Variants in ALCAM observed in about 807,000 individuals in gnomAD.
ALCAM encodes the protein activated leukocyte cell adhesion molecule, also known as CD166 antigen.
Under a neutral mutation model 70.9 loss-of-function variants are expected in ALCAM, and 30 were observed. The observed-to-expected ratio is 0.42, with a 90% CI of 0.32 to 0.57. The LOEUF (loss-of-function observed/expected upper bound fraction) is 0.57, where lower values mean the gene tolerates loss of function less well. ALCAM is among the 20% of genes least tolerant of loss of function. The pLI is 0.11. For synonymous variants in ALCAM, 249 were observed against 242.5 expected, an observed-to-expected ratio of 1.03 and a Z score of -0.25; for missense variants, 591 against 695.1, an observed-to-expected ratio of 0.85 and a Z score of 1.68.
chr3:105,536,748 C>A (rs1939979625), intron 6 of ALCAM, among the ~76,000 whole-genome samples: 1 of 152,108 alleles, frequency 6.6e-6, no homozygotes, highest in African/African-American at 2.4e-5. Flanking sequence ...ACACCTACAT[C>A]AGAAGGAAAT....
chr3:105,410,824 T>C (rs1936367924), intron 1 of ALCAM, among the ~76,000 whole-genome samples: 1 of 122,212 alleles, frequency 8.2e-6, no homozygotes, highest in African/African-American at 3.0e-5. Context: ...TTAGAAATGA[T>C]TGTGGGGCAC....
intron 14 of ALCAM, among the ~76,000 whole-genome samples, chr3:105,557,242 A>G (rs1418900617): frequency 3.3e-5 from 5 of 152,004 alleles, no homozygotes; most frequent in Non-Finnish European, 7.4e-5. Flanking sequence ...TCTTTTCTCT[A>G]CCCATGACCT....
chr3:105,540,018 T>C lies in ALCAM; in HGVS notation c.774T>C (p.Asn258=), dbSNP rs903815128. The change falls in exon 7 of 16, where the codon AAT becomes AAC. Residue 258 remains asparagine, a synonymous_variant. Transcript: ENST00000306107. The part of the protein sequence containing the change: ...QVTIQVLPPK[N]AIKEGDNITL... ...CAATACAAGTGCTGCCACCAAAAAA[T>C]GCCATCAAAGAAGGGGATAACATCA... 1.2e-6 allele frequency: 2 copies of C among 1,612,372 alleles called. No homozygotes were observed. The highest frequency in any genetic ancestry group is 2.7e-5 in the African/African-American group (2 of 74,772).
At chr3:105,410,838 GAAAATAAAAATTGTTAT>G (rs1401214664) in intron 1 of ALCAM, among the ~76,000 whole-genome samples, 4 of 77,796 alleles carry the variant, frequency 5.1e-5, no homozygotes, top group African/African-American at 1.8e-4. Context: ...GGGGCACTTT[GAAAATAAAAATTGTTAT>G]GAAATGATAA....
chr3:105,539,878 T>C, intron 6 of ALCAM, 97 bp from the exon 7 acceptor site: 1 of 1,288,546 alleles, frequency 7.8e-7, no homozygotes, highest in South Asian at 1.7e-5. Context: ...TACTAGCTTC[T>C]TGAGAAAATT....
At chr3:105,483,954 C>T (rs951976937) in intron 1 of ALCAM, among the ~76,000 whole-genome samples, 2 of 152,062 alleles carry the variant, frequency 1.3e-5, no homozygotes, top group African/African-American at 4.8e-5. Context: ...AACAACTTAC[C>T]TGTTCTTAGA....
intron 1 of ALCAM, among the ~76,000 whole-genome samples, chr3:105,385,273 A>T (rs1935622319): frequency 6.6e-6 from 1 of 151,620 alleles, no homozygotes; most frequent in Non-Finnish European, 1.5e-5. Flanking sequence ...TGAAAAGCCA[A>T]GTTTTATAGT....
At chr3:105,515,497 C>T (rs376608757) in intron 1 of ALCAM, among the ~76,000 whole-genome samples, 6 of 152,054 alleles carry the variant, frequency 3.9e-5, no homozygotes, top group African/African-American at 1.2e-4. Flanking sequence ...TGTGAGAAAC[C>T]AATGGCTGAA....
Position 105,367,478 on chromosome 3 carries a change from C to T in ALCAM, c.70C>T (p.Pro24Ser), listed in dbSNP as rs1935093878. 1 of 1,613,924 alleles carries T rather than the reference C, an allele frequency of 6.2e-7. No individual in the cohort carries two copies. The highest frequency in any genetic ancestry group is 8.5e-7 in the Non-Finnish European group (1 of 1,179,948). The change falls in exon 1 of 16, where the codon CCA (proline) becomes TCA (serine). Residue 24 changes from proline (P) to serine (S), a missense_variant. This residue lies in a region of ALCAM where 427 missense variants were observed against 450.4 expected (regional missense o/e 0.95). Transcript: ENST00000306107. ...CTTGATCTCCGCCACCGTCTTCAGG[C>T]CAGGTGAGCAAGGGCCTGGGAGCAG... is the stretch of plus-strand genomic sequence containing the variant. Reference protein sequence around the residue: ...CLLISATVFRPGLGWYTVNSA... With the variant: ...CLLISATVFRSGLGWYTVNSA...
At chr3:105,442,830 A>G (rs1001099463) in intron 1 of ALCAM, among the ~76,000 whole-genome samples, 2 of 152,056 alleles carry the variant, frequency 1.3e-5, no homozygotes, top group African/African-American at 4.8e-5. Context: ...TGATTCCTTC[A>G]ACTTTAAATA....
chr3:105,479,589 T>G (rs1938215138), intron 1 of ALCAM, among the ~76,000 whole-genome samples: 1 of 152,220 alleles, frequency 6.6e-6, no homozygotes, highest in African/African-American at 2.4e-5. Context: ...TCAGACATGC[T>G]TTTAGACCAC....
At chr3:105,476,962 C>T (rs1331923981) in intron 1 of ALCAM, among the ~76,000 whole-genome samples, 2 of 151,984 alleles carry the variant, frequency 1.3e-5, no homozygotes, top group Non-Finnish European at 2.9e-5. Flanking sequence ...GTTAATAAGT[C>T]TCACAAGATC....
chr3:105,482,178 T>C (rs1310081969), intron 1 of ALCAM, among the ~76,000 whole-genome samples: 1 of 152,160 alleles, frequency 6.6e-6, no homozygotes, highest in East Asian at 1.9e-4. Context: ...AGTGGCACGA[T>C]CTTTGGTCAC....
rs375018642 is a variant in ALCAM, at chr3:105,422,692, G to A, written c.73+55211G>A. Among the ~76,000 whole-genome samples the A allele has an allele frequency of 4.6e-5, 7 of 151,528 alleles. No homozygotes were observed. The South Asian group carries it at 1.5e-3, about 31-fold the overall frequency. On this transcript the variant is annotated intron_variant, in intron 1 of 15. Coordinates refer to ENST00000306107, the MANE Select transcript of ALCAM (RefSeq NM_001627.4). ...GGAGCAGAACATTCAATAATAATAA[G>A]ATAGAACAGCTTTTTCTAACAACTT... is the stretch of plus-strand genomic sequence containing the variant.
chr3:105,373,155 A>G (rs1377518380), intron 1 of ALCAM, among the ~76,000 whole-genome samples: 1 of 152,176 alleles, frequency 6.6e-6, no homozygotes, highest in Non-Finnish European at 1.5e-5. Flanking sequence ...GCAGCCAGGT[A>G]GGTTGACTCT....
At chr3:105,534,625 T>C (rs1386676943) in intron 5 of ALCAM, 38 bp from the exon 6 acceptor site, 1 of 1,586,080 alleles carries the variant, frequency 6.3e-7, no homozygotes, top group East Asian at 2.2e-5. Context: ...GATTGTCAGA[T>C]GAAAGACCCT....
At chr3:105,400,795 C>T (rs1283302593) in intron 1 of ALCAM, among the ~76,000 whole-genome samples, 1 of 152,026 alleles carries the variant, frequency 6.6e-6, no homozygotes, top group Admixed American at 6.5e-5. Context: ...TTAAGTAGAC[C>T]AGGGATTAGA....
intron 1 of ALCAM, among the ~76,000 whole-genome samples, chr3:105,512,149 T>A (rs1939257149): frequency 6.6e-6 from 1 of 152,024 alleles, no homozygotes; most frequent in Non-Finnish European, 1.5e-5. Flanking sequence ...AGTTTGGTAG[T>A]GTTATCAAAG....
chr3:105,557,289 C>G (rs1202288990), intron 14 of ALCAM, among the ~76,000 whole-genome samples: 1 of 152,028 alleles, frequency 6.6e-6, no homozygotes, highest in Admixed American at 6.6e-5. Flanking sequence ...AAATACCTCA[C>G]TATCTTATCA....
Sources: gnomAD v4.1 joint callset for allele counts (sites outside exome capture counted in the v4.1 genomes callset) on GRCh38, gnomAD v4.1.1 for gene constraint, gnomAD v4.1.1 regional missense constraint, MANE v1.5 for transcripts, NCBI Gene and HGNC (gene_info 2026-07-23, HGNC 2026-07-21) for gene names.